CNOT6: variants seen among roughly 807,000 people sequenced by gnomAD.
CNOT6 encodes the protein carbon catabolite repression 4 protein.
CNOT6 carries 12 observed loss-of-function variants against 61.2 expected under a neutral mutation model. That is an observed-to-expected ratio of 0.20 (90% CI 0.13 to 0.32). The LOEUF is 0.32. Among genes scored for constraint, CNOT6 ranks in the 10% least tolerant of loss-of-function variants. The pLI, the probability that CNOT6 is intolerant of heterozygous loss-of-function variation, is 1.00. For missense variants in CNOT6, 405 were observed against 663.9 expected, an observed-to-expected ratio of 0.61 and a Z score of 4.28; for synonymous variants, 225 against 240.6, an observed-to-expected ratio of 0.94 and a Z score of 0.60.
At chr5:180,567,719 G>A in intron 8 of CNOT6, 130 bp from the exon 9 acceptor site, 1 of 1,227,958 alleles carries the variant, frequency 8.1e-7, no homozygotes, top group Non-Finnish European at 1.2e-6. Context: ...GAACGTGGAG[G>A]ATTTTCCGTA....
chr5:180,500,212 C>A (rs1309436035), intron 1 of CNOT6, among the ~76,000 whole-genome samples: 1 of 151,744 alleles, frequency 6.6e-6, no homozygotes, highest in East Asian at 1.9e-4. Context: ...CAGCCTTGAC[C>A]TCCCAGGTTC....
chr5:180,560,791 A>G (rs1760130887), intron 4 of CNOT6, among the ~76,000 whole-genome samples: 2 of 152,138 alleles, frequency 1.3e-5, no homozygotes, highest in African/African-American at 4.8e-5. Flanking sequence ...ATCTTCAGCC[A>G]TTATTGCTTT....
At chr5:180,571,127 G>A in intron 10 of CNOT6, 103 bp from the exon 11 acceptor site, 1 of 743,032 alleles carries the variant, frequency 1.3e-6, no homozygotes, top group Non-Finnish European at 2.2e-6. Context: ...AAACATTTTG[G>A]AACGTGGGAA....
chr5:180,555,157 C>G (rs567860410), intron 4 of CNOT6, among the ~76,000 whole-genome samples: 2 of 152,188 alleles, frequency 1.3e-5, no homozygotes, highest in East Asian at 1.9e-4. Flanking sequence ...CAGGTACCCA[C>G]CACCATGCCC....
chr5:180,512,095 T>C (rs1287092931), intron 1 of CNOT6, among the ~76,000 whole-genome samples: 3 of 152,192 alleles, frequency 2.0e-5, no homozygotes, highest in Non-Finnish European at 4.4e-5. Context: ...ATGAGTTGTA[T>C]TGTATTTTAG....
At chr5:180,496,363 C>G (rs1481039765) in intron 1 of CNOT6, among the ~76,000 whole-genome samples, 1 of 151,984 alleles carries the variant, frequency 6.6e-6, no homozygotes, top group Non-Finnish European at 1.5e-5. Flanking sequence ...GGTGACTTGC[C>G]CATGGTACTG....
intron 2 of CNOT6, among the ~76,000 whole-genome samples, chr5:180,543,765 C>G (rs780123): frequency 0.25 from 37,404 of 151,998 alleles, 5,306 homozygotes; most frequent in East Asian, 0.5. Flanking sequence ...TTTTATTTTG[C>G]TATCGTAAAC....
intron 10 of CNOT6, among the ~76,000 whole-genome samples, 168 bp downstream of exon 10, chr5:180,569,508 T>G (rs920931889): frequency 1.3e-5 from 2 of 152,186 alleles, no homozygotes; most frequent in Non-Finnish European, 2.9e-5. Context: ...ATTTTGAAGA[T>G]GAAACGATAT....
Position 180,494,447 on chromosome 5 carries a change from G to A in CNOT6, c.-319G>A, listed in dbSNP as rs567914635. 70 of 155,744 alleles carry A rather than the reference G, an allele frequency of 4.5e-4. No individual in the cohort carries two copies. Among genetic ancestry groups the A allele is most frequent in the Middle Eastern group, 3.2e-3 (1 of 308 alleles). The allele number at this position is 155,744 out of a possible 1,614,324, so 9.6% of individuals were successfully genotyped here. A position where few individuals can be genotyped will look rare whatever the true frequency, so the allele number is the denominator to read the frequency against. On this transcript the variant is annotated 5_prime_UTR_variant, in exon 1 of 12. Transcript: ENST00000261951. ...AAAACGAGGGGGGCGCGGAGGAGGA[G>A]GCGGCGGCGTCGGTGGCGGCGGCGA...
intron 1 of CNOT6, among the ~76,000 whole-genome samples, chr5:180,498,710 AT>A (rs1756727564): frequency 6.6e-6 from 1 of 152,220 alleles, no homozygotes; most frequent in Non-Finnish European, 1.5e-5. Flanking sequence ...GAGCAAGGCG[AT>A]TTGGAGGTCA....
At chr5:180,523,288 A>G (rs532674201) in intron 1 of CNOT6, among the ~76,000 whole-genome samples, 1 of 152,204 alleles carries the variant, frequency 6.6e-6, no homozygotes, top group East Asian at 1.9e-4. Context: ...TTTGAAGGTT[A>G]AGTAGAGATG....
chr5:180,558,955 A>G (rs1324451376), intron 4 of CNOT6, among the ~76,000 whole-genome samples: 2 of 152,066 alleles, frequency 1.3e-5, no homozygotes, highest in East Asian at 1.9e-4. Context: ...TCGATTTTTA[A>G]TATGATTTCA....
At chr5:180,560,927 G>A (rs1192905099) in intron 4 of CNOT6, among the ~76,000 whole-genome samples, 1 of 147,160 alleles carries the variant, frequency 6.8e-6, no homozygotes, top group Non-Finnish European at 1.5e-5. Flanking sequence ...TGTTGGTGGT[G>A]GTGGTGGTGT....
intron 2 of CNOT6, among the ~76,000 whole-genome samples, chr5:180,541,986 C>G (rs11742375): frequency 0.27 from 41,302 of 151,808 alleles, 6,206 homozygotes; most frequent in Middle Eastern, 0.41. Context: ...GTAGCTGTGA[C>G]GATTTGGAAG....
chr5:180,500,097 C>T (rs1581459344), intron 1 of CNOT6, among the ~76,000 whole-genome samples: 1 of 117,514 alleles, frequency 8.5e-6, no homozygotes, highest in African/African-American at 2.7e-5. Flanking sequence ...CTTTTCTTTT[C>T]TTTTTTTTTC....
rs73812319 is a variant in CNOT6, at chr5:180,499,943, T to C, written c.-3+5180T>C. On this transcript the variant is annotated intron_variant, in intron 1 of 11. Coordinates refer to ENST00000261951, the MANE Select transcript of CNOT6 (RefSeq NM_001370472.1). ...GTTTGAAGTGTGTTTCATGTATTTC[T>C]ACACAGTTCAGTTCGGCTGGGTGCA... Among the ~76,000 whole-genome samples the C allele has an allele frequency of 3.7e-3, 562 of 152,288 alleles. 3 individuals are homozygous for C. The highest frequency in any genetic ancestry group is 0.012 in the African/African-American group (506 of 41,558).
intron 4 of CNOT6, among the ~76,000 whole-genome samples, chr5:180,563,457 T>A (rs535486429): frequency 6.6e-6 from 1 of 152,184 alleles, no homozygotes; most frequent in East Asian, 1.9e-4. Flanking sequence ...TTAGCCAGGA[T>A]GGTCTCGATC....
At chr5:180,573,479 T>C (rs1760855446) in intron 11 of CNOT6, among the ~76,000 whole-genome samples, 1 of 151,502 alleles carries the variant, frequency 6.6e-6, no homozygotes, top group African/African-American at 2.4e-5. Flanking sequence ...GAACCTGACA[T>C]TGAAAGATTA....
At chr5:180,512,290 C>T (rs1757432127) in intron 1 of CNOT6, among the ~76,000 whole-genome samples, 1 of 152,130 alleles carries the variant, frequency 6.6e-6, no homozygotes, top group Admixed American at 6.6e-5. Context: ...TTTAACTTAA[C>T]CTTGAATTAT....
Sources: gnomAD v4.1 joint callset for allele counts (sites outside exome capture counted in the v4.1 genomes callset) on GRCh38, gnomAD v4.1.1 for gene constraint, MANE v1.5 for transcripts, NCBI Gene and HGNC (gene_info 2026-07-23, HGNC 2026-07-21) for gene names.